NOX4: variants seen among roughly 807,000 people sequenced by gnomAD.
The protein encoded by NOX4 is kidney oxidase-1.
A neutral mutation model predicts 87.6 loss-of-function variants in NOX4; 69 were observed. The observed-to-expected ratio is 0.79, with a 90% CI of 0.65 to 0.96. The LOEUF is 0.96. NOX4 is among the 40% of genes least tolerant of loss of function. The probability of loss-of-function intolerance (pLI) is 0.00; values close to 1 mark genes in which losing one functional copy is unlikely to be tolerated. For synonymous variants in NOX4, 275 were observed against 238.2 expected (o/e 1.15, Z -1.42); for missense variants, 680 against 681.5 (o/e 1.00, Z 0.02).
At chr11:89,521,411 A>G in the NOX4 span, among the ~76,000 whole-genome samples, 1 of 152,088 alleles carries the variant, frequency 6.6e-6, no homozygotes, top group Non-Finnish European at 1.5e-5. Context: ...AGACAAAGTC[A>G]ACAAAAATAA....
At chr11:89,332,103 T>A (rs1174786664) in intron 17 of NOX4, among the ~76,000 whole-genome samples, 1 of 151,754 alleles carries the variant, frequency 6.6e-6, no homozygotes, top group Non-Finnish European at 1.5e-5. Flanking sequence ...TCTATAAATG[T>A]TCATACTTGC....
intron 12 of NOX4, among the ~76,000 whole-genome samples, chr11:89,358,252 G>A (rs1349883083): frequency 6.6e-6 from 1 of 151,700 alleles, no homozygotes. Context: ...CGGGCATAGT[G>A]GTGGGTGCCT....
chr11:89,517,516 G>A, the NOX4 span, among the ~76,000 whole-genome samples: 1 of 151,822 alleles, frequency 6.6e-6, no homozygotes, highest in African/African-American at 2.4e-5. Context: ...CATCCAGGCT[G>A]GAGTACAGAG....
At chr11:89,499,597 T>C (rs2135510454), upstream of NOX4, among the ~76,000 whole-genome samples, 1 of 152,312 alleles carries the variant, frequency 6.6e-6, no homozygotes, top group African/African-American at 2.4e-5. Flanking sequence ...TCCAAAAATT[T>C]AAGGCTGGGA....
chr11:89,464,025 A>C (rs1565324770), intron 2 of NOX4, among the ~76,000 whole-genome samples: 1 of 152,100 alleles, frequency 6.6e-6, no homozygotes, highest in Non-Finnish European at 1.5e-5. Flanking sequence ...AATTTAAAAT[A>C]TATCACCTAA....
intron 11 of NOX4, among the ~76,000 whole-genome samples, chr11:89,399,432 AATATATAT>A (rs1208007737): frequency 0.018 from 1,390 of 75,622 alleles, 49 homozygotes; most frequent in African/African-American, 0.067. Flanking sequence ...CAAGAAATTA[AATATATAT>A]ATATATATAT....
intron 12 of NOX4, among the ~76,000 whole-genome samples, chr11:89,366,721 CAT>C (rs1939022188): frequency 5.5e-5 from 8 of 145,170 alleles, no homozygotes; most frequent in African/African-American, 2.0e-4. Context: ...AAAAAAAGAA[CAT>C]TGTGAAAATT....
intron 13 of NOX4, among the ~76,000 whole-genome samples, chr11:89,343,978 T>C (rs1262902609): frequency 2.0e-5 from 3 of 151,996 alleles, no homozygotes; most frequent in African/African-American, 7.2e-5. Context: ...TTAAAAAAAC[T>C]GATTTAAATC....
the NOX4 span, among the ~76,000 whole-genome samples, chr11:89,568,697 G>T: frequency 3.9e-5 from 6 of 152,004 alleles, no homozygotes; most frequent in African/African-American, 1.2e-4. Context: ...AATTTATAGG[G>T]AACCAAAATA....
the NOX4 span, among the ~76,000 whole-genome samples, chr11:89,586,526 T>G: frequency 6.6e-6 from 1 of 152,138 alleles, no homozygotes; most frequent in Non-Finnish European, 1.5e-5. Context: ...AGTAACTCAT[T>G]TAAGTATTCT....
At chr11:89,498,373 T>TA (rs1167493974), upstream of NOX4, among the ~76,000 whole-genome samples, 1 of 152,150 alleles carries the variant, frequency 6.6e-6, no homozygotes, top group Non-Finnish European at 1.5e-5. Context: ...TTGCTGTCAG[T>TA]AAAAAATTTA....
At chr11:89,413,147 A>T (rs1377998389) in intron 8 of NOX4, among the ~76,000 whole-genome samples, 1 of 152,164 alleles carries the variant, frequency 6.6e-6, no homozygotes, top group Non-Finnish European at 1.5e-5. Context: ...CACAGTTAAA[A>T]TGGCTTATAT....
intron 17 of NOX4, among the ~76,000 whole-genome samples, chr11:89,327,766 G>A (rs1433642255): frequency 6.6e-6 from 1 of 151,682 alleles, no homozygotes; most frequent in Non-Finnish European, 1.5e-5. Context: ...AGTAAATACT[G>A]AAAAAAAGTT....
Position 89,451,810 on chromosome 11 carries a change from A to T in NOX4, c.239T>A (p.Leu80Ter), listed in dbSNP as rs1205269947. Residue 80 changes from leucine to a stop codon, truncating the protein, a stop_gained, in exon 3 of 18, where the codon TTG becomes TAG. Coordinates refer to ENST00000263317, the MANE Select transcript of NOX4 (RefSeq NM_016931.5). LOFTEE classifies it high-confidence loss of function. ...CTTCTGTGATCCTCGGAGGTAAGCCAAGAGTGTTCGGCACATGGGTAAAAG... is the reference window on the plus strand; with the variant it reads ...CTTCTGTGATCCTCGGAGGTAAGCCTAGAGTGTTCGGCACATGGGTAAAAG... ...LILLPMCRTL[L>*]AYLRGSQKVP... is the part of the protein sequence containing the mutation. 1 of 1,613,082 alleles carries T rather than the reference A, an allele frequency of 6.2e-7. No individual in the cohort carries two copies.
chr11:89,502,550 TA>T (rs1208600424), upstream of NOX4, among the ~76,000 whole-genome samples: 1 of 151,998 alleles, frequency 6.6e-6, no homozygotes, highest in African/African-American at 2.4e-5. Flanking sequence ...AGGTCCCTGT[TA>T]GCCAAGAATG....
intron 6 of NOX4, among the ~76,000 whole-genome samples, chr11:89,438,644 C>A (rs1309905905): frequency 1.4e-5 from 1 of 72,050 alleles, no homozygotes; most frequent in Admixed American, 2.7e-4. Flanking sequence ...ATATATAATA[C>A]TCTATATAAT....
At chr11:89,585,852 GCTGA>G in the NOX4 span, among the ~76,000 whole-genome samples, 414 of 152,192 alleles carry the variant, frequency 2.7e-3, 2 homozygotes, top group Admixed American at 6.4e-3. Flanking sequence ...TAAAGAATCT[GCTGA>G]CTGATTCACA....
intron 6 of NOX4, among the ~76,000 whole-genome samples, chr11:89,434,715 C>T (rs893143106): frequency 1.3e-5 from 2 of 151,770 alleles, no homozygotes; most frequent in African/African-American, 4.8e-5. Context: ...TGATATTCAT[C>T]AACAGATTAA....
intron 12 of NOX4, among the ~76,000 whole-genome samples, chr11:89,366,899 T>C (rs1409648772): frequency 2.0e-5 from 3 of 152,088 alleles, no homozygotes; most frequent in African/African-American, 7.2e-5. Flanking sequence ...ACAGCATATA[T>C]TTAACGTTCA....
Sources: gnomAD v4.1 joint callset for allele counts (sites outside exome capture counted in the v4.1 genomes callset) on GRCh38, gnomAD v4.1.1 for gene constraint, MANE v1.5 for transcripts, NCBI Gene and HGNC (gene_info 2026-07-23, HGNC 2026-07-21) for gene names.